INTS9: variants seen among roughly 807,000 people sequenced by gnomAD.
INTS9 encodes integrator complex subunit 9, also known as protein related to CPSF subunits of 74 kDa.
A neutral mutation model predicts 79.7 loss-of-function variants in INTS9; 55 were observed. The ratio of observed to expected loss-of-function variants is 0.69; its 90% CI spans 0.56 to 0.86. The LOEUF (loss-of-function observed/expected upper bound fraction) is 0.86, where lower values mean the gene tolerates loss of function less well. INTS9 is among the 40% of genes least tolerant of loss of function. The probability of loss-of-function intolerance (pLI) is 0.00; values close to 1 mark genes in which losing one functional copy is unlikely to be tolerated. For missense variants in INTS9, 721 were observed against 831.5 expected (o/e 0.87, Z 1.64); for synonymous variants, 319 against 325.2 (o/e 0.98, Z 0.20).
At chr8:28,818,890 T>G (rs1217968357) in intron 6 of INTS9, among the ~76,000 whole-genome samples, 1 of 152,004 alleles carries the variant, frequency 6.6e-6, no homozygotes, top group Non-Finnish European at 1.5e-5. Context: ...GGAGGGTGTA[T>G]GTGTCGAGGA....
Position 28,780,969 on chromosome 8 carries a change from T to C in INTS9, c.1124A>G (p.His375Arg), listed in dbSNP as rs1803227328. The part of the protein sequence containing the change: ...AELIQTNKLK[H>R]YPSIHGDFSN... Reference sequence around the variant, plus strand: ...GAAGTCTCCGTGGATGCTGGGGTAGTGCTTCAGCTTATTGGTCTGAATGAG... The same window carrying C: ...GAAGTCTCCGTGGATGCTGGGGTAGCGCTTCAGCTTATTGGTCTGAATGAG... The change falls in exon 12 of 17, where the codon CAC becomes CGC. Residue 375 changes from histidine to arginine, a missense_variant. Physicochemically the swap from His to Arg is conservative, Grantham distance 29. This residue lies in a region of INTS9 where 149 missense variants were observed against 223.7 expected (regional missense o/e 0.67). Coordinates refer to ENST00000521022, the MANE Select transcript of INTS9 (RefSeq NM_018250.4). 6.2e-7 allele frequency: 1 copy of C among 1,614,034 alleles called. No individual in the cohort carries two copies. Among genetic ancestry groups the C allele is most frequent in the Non-Finnish European group, 8.5e-7 (1 of 1,179,976 alleles).
chr8:28,880,947 A>G (rs1303306462), intron 1 of INTS9, among the ~76,000 whole-genome samples: 1 of 134,172 alleles, frequency 7.5e-6, no homozygotes, highest in Non-Finnish European at 1.6e-5. Context: ...GCTGGGCCGC[A>G]ACCCTGTCTG....
At chr8:28,801,043 C>A (rs1336053653) in intron 8 of INTS9, among the ~76,000 whole-genome samples, 2 of 152,136 alleles carry the variant, frequency 1.3e-5, no homozygotes, top group Non-Finnish European at 2.9e-5. Flanking sequence ...GCCACCCTAG[C>A]CCCCAAATAT....
At chr8:28,869,408 C>A (rs1343403235) in intron 1 of INTS9, among the ~76,000 whole-genome samples, 1 of 152,098 alleles carries the variant, frequency 6.6e-6, no homozygotes, top group Non-Finnish European at 1.5e-5. Context: ...TTTCTCTTCT[C>A]CAACACATCC....
rs772799885 is a variant in INTS9, at chr8:28,846,704, A to G, written c.261+43T>C. 15 of 1,406,296 alleles carry G rather than the reference A, an allele frequency of 1.1e-5. No homozygotes were observed. In the East Asian group the frequency reaches 1.6e-4, roughly 15 times the overall value. 87.1% of individuals were successfully genotyped at this position (1,406,296 alleles called of 1,614,324 possible). On this transcript the variant is annotated intron_variant, in intron 4 of 16. Transcript: ENST00000521022. ...TCTTGACTTCATTTTGAGCAATTACATAATAAGGTTTGTTTCTACAATAAG... is the reference window on the plus strand; with the variant it reads ...TCTTGACTTCATTTTGAGCAATTACGTAATAAGGTTTGTTTCTACAATAAG...
intron 1 of INTS9, among the ~76,000 whole-genome samples, chr8:28,880,907 C>T (rs749158847): frequency 1.4e-5 from 2 of 144,272 alleles, no homozygotes; most frequent in East Asian, 2.1e-4. Context: ...TCTGCCCCAC[C>T]GCCCTGTCTG....
At chr8:28,807,435 A>T (rs1482654612) in intron 8 of INTS9, among the ~76,000 whole-genome samples, 1 of 152,198 alleles carries the variant, frequency 6.6e-6, no homozygotes, top group Non-Finnish European at 1.5e-5. Context: ...CAAGAAAATA[A>T]TGTATGGGCC....
rs1223801333 is a variant in INTS9, at chr8:28,889,877, T to C, written c.6A>G (p.Lys2=). The change falls in exon 1 of 17, where the codon AAA becomes AAG. Residue 2 remains lysine (K), a synonymous_variant. Transcript: ENST00000521022. ...TGACCTAGGAGCGAAGACTCACCAG[T>C]TTCATAATGGACTTTTGGTGGTTCA... is the stretch of plus-strand genomic sequence containing the variant. M[K]LYCLSGHPTL... 6.2e-7 allele frequency: 1 copy of C among 1,613,758 alleles called. No individual in the cohort carries two copies. Among genetic ancestry groups the C allele is most frequent in the Non-Finnish European group, 8.5e-7 (1 of 1,179,812 alleles).
Position 28,859,534 on chromosome 8 carries a change from T to C in INTS9, c.39A>G (p.Pro13=), listed in dbSNP as rs556326338. The part of the protein sequence containing the change: ...LYCLSGHPTL[P]CNVLKFKSTT... ...TTGATTTGAATTTGAGCACATTGCA[T>C]GGTAAGGTTGGGTGCCCTGACAGGC... The change falls in exon 2 of 17, where the codon CCA becomes CCG. Residue 13 remains proline, a synonymous_variant. Coordinates refer to ENST00000521022, the MANE Select transcript of INTS9 (RefSeq NM_018250.4). 2 of 1,614,130 alleles carry C rather than the reference T, an allele frequency of 1.2e-6. No individual in the cohort carries two copies. Among genetic ancestry groups the C allele is most frequent in the South Asian group, 1.1e-5 (1 of 91,080 alleles).
chr8:28,772,365 T>C (rs995282326), intron 14 of INTS9, among the ~76,000 whole-genome samples: 3 of 151,962 alleles, frequency 2.0e-5, no homozygotes, highest in African/African-American at 7.3e-5. Flanking sequence ...AATACAAAAA[T>C]TAGCTAGGAT....
chr8:28,834,563 T>C (rs1806688233), intron 6 of INTS9, among the ~76,000 whole-genome samples: 1 of 152,158 alleles, frequency 6.6e-6, no homozygotes, highest in South Asian at 2.1e-4. Flanking sequence ...AACAAATCCA[T>C]TTCTTCTTCC....
Position 28,865,321 on chromosome 8 carries a change from T to C in INTS9, c.10-5758A>G, listed in dbSNP as rs1480933762. Among the ~76,000 whole-genome samples, 3 of 151,992 alleles carry C rather than the reference T, an allele frequency of 2.0e-5. No individual in the cohort carries two copies. In the East Asian group the frequency reaches 5.8e-4, roughly 29 times the overall value. ...AAAAAGTAGATGTATCTATACGATT[T>C]ATAAATAAACCTAGAAGCCTATTTA... On this transcript the variant is annotated intron_variant, in intron 1 of 16. Coordinates refer to ENST00000521022, the MANE Select transcript of INTS9 (RefSeq NM_018250.4).
In INTS9 at chr8:28,848,645, T is replaced by C. The variant is rs115855510; in HGVS notation, c.198+1568A>G. Reference sequence around the variant, plus strand: ...GTTAAAAATGATTAAAGACAAATCATGGGAAATTTCAAAGCTTTGCCTGGT... The same window carrying C: ...GTTAAAAATGATTAAAGACAAATCACGGGAAATTTCAAAGCTTTGCCTGGT... On this transcript the variant is annotated intron_variant, in intron 3 of 16. Coordinates refer to ENST00000521022, the MANE Select transcript of INTS9 (RefSeq NM_018250.4). Among the ~76,000 whole-genome samples the C allele has an allele frequency of 3.3e-3, 506 of 152,290 alleles. 3 individuals carry two copies. The highest frequency in any genetic ancestry group is 0.012 in the African/African-American group (480 of 41,570).
intron 11 of INTS9, among the ~76,000 whole-genome samples, chr8:28,785,835 A>AT (rs1372554364): frequency 6.6e-6 from 1 of 152,224 alleles, no homozygotes; most frequent in African/African-American, 2.4e-5. Flanking sequence ...AGTTCACACC[A>AT]ATACCATCAA....
intron 10 of INTS9, among the ~76,000 whole-genome samples, chr8:28,788,434 T>C (rs918647377): frequency 2.6e-5 from 4 of 152,230 alleles, no homozygotes; most frequent in African/African-American, 9.6e-5. Context: ...CACTTTTTTT[T>C]TGGAGACAGA....
At chr8:28,768,732 G>C (rs1190597876) in intron 16 of INTS9, among the ~76,000 whole-genome samples, 1 of 152,218 alleles carries the variant, frequency 6.6e-6, no homozygotes. Context: ...CCTCTCAAGA[G>C]TGAAGGAGAG....
chr8:28,804,444 T>C (rs1585382479), intron 8 of INTS9, among the ~76,000 whole-genome samples: 1 of 152,036 alleles, frequency 6.6e-6, no homozygotes, highest in South Asian at 2.1e-4. Context: ...AGTTGGCAGA[T>C]TGTGGAAGGT....
intron 2 of INTS9, among the ~76,000 whole-genome samples, chr8:28,851,507 G>A (rs994953484): frequency 3.3e-5 from 5 of 151,710 alleles, no homozygotes; most frequent in Admixed American, 6.6e-5. Flanking sequence ...GTGCAATCTC[G>A]GCTCACTGCA....
chr8:28,779,459 G>A (rs1803106992), intron 12 of INTS9, among the ~76,000 whole-genome samples: 2 of 152,142 alleles, frequency 1.3e-5, no homozygotes, highest in African/African-American at 4.8e-5. Flanking sequence ...TGATGGATCC[G>A]GCCAAAGACA....
Sources: allele counts gnomAD v4.1 joint callset (sites outside exome capture counted in the v4.1 genomes callset), GRCh38; gene constraint gnomAD v4.1.1; regional missense constraint gnomAD v4.1.1; transcripts MANE v1.5; gene names NCBI Gene and HGNC (gene_info 2026-07-23, HGNC 2026-07-21).